The following ZMAT4 variants were observed in gnomAD, a reference collection of about 807,000 sequenced individuals.
ZMAT4 encodes zinc finger matrin-type protein 4.
In ZMAT4, 17 loss-of-function variants were observed where a neutral mutation model predicts 28.7. The ratio of observed to expected loss-of-function variants is 0.59; its 90% confidence interval spans 0.41 to 0.89. ZMAT4 has a LOEUF of 0.89. ZMAT4 is among the 40% of genes least tolerant of loss of function. The probability of loss-of-function intolerance (pLI) is 0.00; values close to 1 mark genes in which losing one functional copy is unlikely to be tolerated. For synonymous variants in ZMAT4, 117 were observed against 109.2 expected (o/e 1.07, Z -0.44); for missense variants, 240 against 283.8 (o/e 0.85, Z 1.11).
At chr8:40,770,024 G>C (rs1042536941) in intron 2 of ZMAT4, among the ~76,000 whole-genome samples, 1 of 151,968 alleles carries the variant, frequency 6.6e-6, no homozygotes, top group Admixed American at 6.6e-5. Context: ...CCTCCCTCGG[G>C]GCCCCCCACC....
At chr8:40,842,974 G>A (rs919049729) in intron 1 of ZMAT4, among the ~76,000 whole-genome samples, 23 of 151,998 alleles carry the variant, frequency 1.5e-4, no homozygotes, top group Non-Finnish European at 2.8e-4. Context: ...ATGGGGTTTC[G>A]CCATGTTGGC....
rs1226294064 is a variant in ZMAT4 at position 40,812,941 on chromosome 8, AAATTAAATTAAATT to A, written c.102+12620_102+12633del. Among the ~76,000 whole-genome samples, 812 of 110,544 alleles carry A rather than the reference AAATTAAATTAAATT, an allele frequency of 7.3e-3. 6 individuals carry two copies. Among genetic ancestry groups the A allele is most frequent in the Non-Finnish European group, 0.011 (566 of 53,770 alleles). 72.5% of individuals were successfully genotyped at this position (110,544 alleles called of 152,430 possible). On this transcript the variant is annotated intron_variant, in intron 2 of 6. Transcript: ENST00000297737. ...AGAGCAAAACTCCATCTCAAAAATTAAATTAAATTAAATTAAATTAAATTAAATTAAATTAAATT... is the reference window on the plus strand; with the variant it reads ...AGAGCAAAACTCCATCTCAAAAATTAAAATTAAATTAAATTAAATTAAATT...
At chr8:40,572,270 T>A (rs188842351) in intron 6 of ZMAT4, among the ~76,000 whole-genome samples, 1 of 152,186 alleles carries the variant, frequency 6.6e-6, no homozygotes, top group African/African-American at 2.4e-5. Flanking sequence ...ACTTCCCAAA[T>A]AAATGAGTAT....
chr8:40,785,209 A>G (rs1255893315), intron 2 of ZMAT4, among the ~76,000 whole-genome samples: 3 of 152,238 alleles, frequency 2.0e-5, no homozygotes, highest in African/African-American at 7.2e-5. Flanking sequence ...CGTCTCTGAA[A>G]TCTTCTCCTG....
chr8:40,804,817 G>A (rs890917052), intron 2 of ZMAT4, among the ~76,000 whole-genome samples: 1 of 151,954 alleles, frequency 6.6e-6, no homozygotes, highest in Middle Eastern at 3.2e-3. Flanking sequence ...CTCCAGCCTG[G>A]GTGACAGAGT....
At chr8:40,566,059 CTA>C (rs1803914878) in intron 6 of ZMAT4, among the ~76,000 whole-genome samples, 1 of 152,154 alleles carries the variant, frequency 6.6e-6, no homozygotes, top group Non-Finnish European at 1.5e-5. Flanking sequence ...TTGTCATTTA[CTA>C]TGTGATTCAG....
At chr8:40,647,535 A>G (rs1807391661) in intron 5 of ZMAT4, among the ~76,000 whole-genome samples, 1 of 152,156 alleles carries the variant, frequency 6.6e-6, no homozygotes, top group Non-Finnish European at 1.5e-5. Context: ...GATTAGGTAA[A>G]CAAAGCAGCT....
At chr8:40,541,094 T>C (rs1391290248) in intron 6 of ZMAT4, among the ~76,000 whole-genome samples, 1 of 152,200 alleles carries the variant, frequency 6.6e-6, no homozygotes, top group Non-Finnish European at 1.5e-5. Flanking sequence ...GCTTTGAAGA[T>C]TAAATGAATT....
At chr8:40,629,488 G>T (rs1332922220) in intron 5 of ZMAT4, among the ~76,000 whole-genome samples, 1 of 151,530 alleles carries the variant, frequency 6.6e-6, no homozygotes, top group Admixed American at 6.6e-5. Flanking sequence ...CATGTGCCAT[G>T]TTGGTGTGCT....
intron 1 of ZMAT4, among the ~76,000 whole-genome samples, chr8:40,875,136 G>A (rs967095797): frequency 3.3e-5 from 5 of 152,190 alleles, no homozygotes; most frequent in Admixed American, 6.5e-5. Flanking sequence ...TTGCCTCTCT[G>A]TCTATTCCTG....
intron 6 of ZMAT4, among the ~76,000 whole-genome samples, chr8:40,553,143 C>A (rs1179111643): frequency 1.3e-5 from 2 of 152,144 alleles, no homozygotes; most frequent in Admixed American, 1.3e-4. Context: ...ATGTTAGCTT[C>A]CATCCTAGGA....
intron 6 of ZMAT4, among the ~76,000 whole-genome samples, chr8:40,551,483 A>G (rs1401740927): frequency 6.6e-6 from 1 of 152,206 alleles, no homozygotes; most frequent in Non-Finnish European, 1.5e-5. Flanking sequence ...TGTAGTGGTT[A>G]CATGGTTATT....
chr8:40,647,427 A>G (rs2589924), intron 5 of ZMAT4, among the ~76,000 whole-genome samples: 85,899 of 151,952 alleles, frequency 0.57, 24,958 homozygotes, highest in East Asian at 0.69. Context: ...AGGGTCCTAC[A>G]CCCACGGAGT....
intron 2 of ZMAT4, among the ~76,000 whole-genome samples, chr8:40,810,091 C>A (rs1815258747): frequency 6.6e-6 from 1 of 151,914 alleles, no homozygotes; most frequent in South Asian, 2.1e-4. Context: ...CACACATGCA[C>A]AAACATGCAC....
intron 4 of ZMAT4, chr8:40,696,853 G>A: frequency 6.3e-6 from 1 of 157,834 alleles, no homozygotes; most frequent in Middle Eastern, 2.8e-3. Flanking sequence ...CTGCATTATA[G>A]ACATTGGTAG....
chr8:40,677,166 G>A (rs1240764415), intron 4 of ZMAT4, among the ~76,000 whole-genome samples: 1 of 152,098 alleles, frequency 6.6e-6, no homozygotes, highest in African/African-American at 2.4e-5. Flanking sequence ...CCATATCCTG[G>A]TAGGAGTGAG....
intron 6 of ZMAT4, among the ~76,000 whole-genome samples, chr8:40,539,547 A>G (rs28696787): frequency 0.03 from 4,537 of 152,304 alleles, 211 homozygotes; most frequent in African/African-American, 0.1. Context: ...TTGGATGTTC[A>G]TGTACATGGT....
intron 2 of ZMAT4, among the ~76,000 whole-genome samples, chr8:40,793,361 G>GAAT (rs1178207903): frequency 6.6e-6 from 1 of 152,230 alleles, no homozygotes; most frequent in African/African-American, 2.4e-5. Flanking sequence ...AGAAGGCACA[G>GAAT]AATAGGCCGT....
At chr8:40,694,299 C>A (rs183820364) in intron 4 of ZMAT4, among the ~76,000 whole-genome samples, 10 of 152,302 alleles carry the variant, frequency 6.6e-5, no homozygotes, top group Admixed American at 3.9e-4. Flanking sequence ...TCCAGTGCCT[C>A]CTGGTCTTTC....
Sources: allele counts gnomAD v4.1 joint callset (sites outside exome capture counted in the v4.1 genomes callset), GRCh38; gene constraint gnomAD v4.1.1; transcripts MANE v1.5; gene names NCBI Gene and HGNC (gene_info 2026-07-23, HGNC 2026-07-21).